The following CPNE4 variants were observed in gnomAD, a reference collection of about 807,000 sequenced individuals.
CPNE4 encodes the protein copine 4, also known as copine-4.
A neutral mutation model predicts 67.9 loss-of-function variants in CPNE4; 25 were observed. The observed-to-expected ratio is 0.37, with a 90% CI of 0.27 to 0.51. The LOEUF is 0.51. Ranked by LOEUF, CPNE4 falls within the 20% of genes least tolerant of loss-of-function variation. CPNE4 has a pLI of 0.93. For missense variants in CPNE4, 464 were observed against 690.8 expected, an observed-to-expected ratio of 0.67 and a Z score of 3.68; for synonymous variants, 242 against 244.9, an observed-to-expected ratio of 0.99 and a Z score of 0.11.
intron 2 of CPNE4, among the ~76,000 whole-genome samples, chr3:131,904,800 T>A (rs2088682642): frequency 6.6e-6 from 1 of 152,098 alleles, no homozygotes; most frequent in South Asian, 2.1e-4. Context: ...TAGTCACTTC[T>A]CTCTCAACCC....
chr3:131,886,958 T>C (rs1285039784), intron 2 of CPNE4, among the ~76,000 whole-genome samples: 1 of 152,218 alleles, frequency 6.6e-6, no homozygotes, highest in Non-Finnish European at 1.5e-5. Flanking sequence ...TTTTAGTTAA[T>C]GCTGAAATGA....
intron 2 of CPNE4, among the ~76,000 whole-genome samples, chr3:131,792,694 TACATATAC>T (rs1379783470): frequency 0.055 from 3,143 of 56,736 alleles, 486 homozygotes; most frequent in African/African-American, 0.19. Flanking sequence ...CGTGTATATA[TACATATAC>T]ACACACGTGT....
At chr3:131,960,569 T>G (rs1388285907) in intron 1 of CPNE4, among the ~76,000 whole-genome samples, 1 of 152,170 alleles carries the variant, frequency 6.6e-6, no homozygotes, top group Admixed American at 6.5e-5. Flanking sequence ...ATAGTTCCCC[T>G]TAACTGTTCT....
intron 1 of CPNE4, among the ~76,000 whole-genome samples, chr3:131,966,652 C>T (rs1039007141): frequency 4.5e-4 from 68 of 152,148 alleles, no homozygotes; most frequent in African/African-American, 1.6e-3. Flanking sequence ...GACACATACA[C>T]CATCCCAAGA....
chr3:131,817,747 T>G (rs1239806668), intron 2 of CPNE4, among the ~76,000 whole-genome samples: 1 of 152,134 alleles, frequency 6.6e-6, no homozygotes, highest in Non-Finnish European at 1.5e-5. Context: ...AAAATGATGT[T>G]ACTGATGTTC....
At chr3:131,682,698 C>A (rs1001681849) in intron 6 of CPNE4, among the ~76,000 whole-genome samples, 1 of 151,926 alleles carries the variant, frequency 6.6e-6, no homozygotes, top group Admixed American at 6.6e-5. Context: ...GCAAAGTCAG[C>A]CAGGCTATGT....
At chr3:131,955,011 C>T (rs928170011) in intron 1 of CPNE4, among the ~76,000 whole-genome samples, 1 of 149,840 alleles carries the variant, frequency 6.7e-6, no homozygotes, top group Non-Finnish European at 1.5e-5. Flanking sequence ...ATACGCACAC[C>T]AATTTCAGCT....
chr3:131,868,788 A>G (rs2087067557), intron 2 of CPNE4, among the ~76,000 whole-genome samples: 1 of 152,172 alleles, frequency 6.6e-6, no homozygotes, highest in South Asian at 2.1e-4. Flanking sequence ...TGGAACATCC[A>G]TCAGTGATTA....
intron 1 of CPNE4, among the ~76,000 whole-genome samples, chr3:131,936,370 G>C (rs764116433): frequency 6.6e-6 from 1 of 152,016 alleles, no homozygotes; most frequent in Non-Finnish European, 1.5e-5. Flanking sequence ...CAATGGATGG[G>C]GGTGGGGTGG....
chr3:131,592,143 C>T (rs1294878271), intron 7 of CPNE4, among the ~76,000 whole-genome samples: 1 of 152,212 alleles, frequency 6.6e-6, no homozygotes, highest in African/African-American at 2.4e-5. Context: ...TTTCGTACCT[C>T]CTTGATTTCA....
intron 1 of CPNE4, among the ~76,000 whole-genome samples, chr3:132,031,725 G>A (rs939059492): frequency 1.3e-5 from 2 of 152,170 alleles, no homozygotes; most frequent in Non-Finnish European, 2.9e-5. Context: ...AGAAGGCATA[G>A]TGCAAACCTT....
chr3:131,768,588 C>G lies in CPNE4; in HGVS notation c.181-44963G>C, dbSNP rs181627048. Among the ~76,000 whole-genome samples, 231 of 152,172 alleles carry G rather than the reference C, an allele frequency of 1.5e-3. 1 individual carries two copies. The highest frequency in any genetic ancestry group is 2.4e-3 in the Non-Finnish European group (164 of 68,004). On this transcript the variant is annotated intron_variant, in intron 2 of 15. Transcript: ENST00000429747. ...AAAAACTGCTTTAATCAGAAGAGTC[C>G]TGGGGGATGTCTGCTAAACAGCTTC...
At chr3:131,778,190 T>C (rs1210593371) in intron 2 of CPNE4, among the ~76,000 whole-genome samples, 1 of 152,150 alleles carries the variant, frequency 6.6e-6, no homozygotes, top group African/African-American at 2.4e-5. Flanking sequence ...TTGCATTGCC[T>C]ATTTCTATTC....
At position 131,728,400 on chromosome 3, in the gene CPNE4, T is replaced by C. The variant is rs1583094240; in HGVS notation, c.181-4775A>G. Among the ~76,000 whole-genome samples, 5 of 152,216 alleles carry C rather than the reference T, an allele frequency of 3.3e-5. No homozygotes were observed. In the South Asian group the frequency reaches 1.0e-3, roughly 31 times the overall value. ...ACCTATGTAGTTAAGCTCCAGAACC[T>C]GTGTGTTTAACCTCTATGCTATATA... On this transcript the variant is annotated intron_variant, in intron 2 of 15. Transcript: ENST00000429747.
chr3:131,717,908 T>A (rs1189687603), intron 3 of CPNE4, among the ~76,000 whole-genome samples: 1 of 132,750 alleles, frequency 7.5e-6, no homozygotes, highest in East Asian at 2.6e-4. Context: ...CTTTCTTTCT[T>A]TCTTTCTTTC....
At chr3:131,758,283 A>G (rs2082802962) in intron 2 of CPNE4, among the ~76,000 whole-genome samples, 1 of 152,204 alleles carries the variant, frequency 6.6e-6, no homozygotes. Flanking sequence ...GTCCAAGACC[A>G]TGGGAACCCA....
chr3:131,737,334 G>A (rs1379126596), intron 2 of CPNE4, among the ~76,000 whole-genome samples: 5 of 151,906 alleles, frequency 3.3e-5, no homozygotes, highest in African/African-American at 1.2e-4. Context: ...ATGTTGGTCA[G>A]GATGGTCTCG....
intron 10 of CPNE4, among the ~76,000 whole-genome samples, chr3:131,568,558 C>T (rs528252566): frequency 1.4e-4 from 21 of 152,134 alleles, no homozygotes; most frequent in Middle Eastern, 3.4e-3. Context: ...CTCCAATCTT[C>T]TCTGCAGGCA....
intron 7 of CPNE4, among the ~76,000 whole-genome samples, chr3:131,589,300 G>A (rs1172356250): frequency 6.6e-6 from 1 of 152,192 alleles, no homozygotes; most frequent in African/African-American, 2.4e-5. Context: ...ACTGATGCAA[G>A]TCCTAGAGTC....
Sources: gnomAD v4.1 joint callset for allele counts (sites outside exome capture counted in the v4.1 genomes callset) on GRCh38, gnomAD v4.1.1 for gene constraint, MANE v1.5 for transcripts, NCBI Gene and HGNC (gene_info 2026-07-23, HGNC 2026-07-21) for gene names.